Variants in GNB5 observed in about 807,000 individuals in gnomAD.
GNB5 encodes G protein subunit beta 5.
Under a neutral mutation model 55.3 loss-of-function variants are expected in GNB5, and 37 were observed. That is an observed-to-expected ratio of 0.67 (90% CI 0.51 to 0.88). The LOEUF is 0.88. GNB5 is among the 40% of genes least tolerant of loss of function. GNB5 has a pLI of 0.00. For synonymous variants in GNB5, 219 were observed against 198.5 expected (o/e 1.10, Z -0.87); for missense variants, 476 against 515.3 (o/e 0.92, Z 0.74).
intron 3 of GNB5, among the ~76,000 whole-genome samples, chr15:52,159,248 G>C (rs1000031073): frequency 6.6e-6 from 1 of 152,120 alleles, no homozygotes; most frequent in South Asian, 2.1e-4. Context: ...CATCAGAAGA[G>C]TGGCATGGTC....
chr15:52,137,834 C>T, intron 7 of GNB5: 1 of 1,283,730 alleles, frequency 7.8e-7, no homozygotes, highest in Non-Finnish European at 1.0e-6. Context: ...GAAGCTCTCC[C>T]TGCCTTCTGG....
At chr15:52,163,725 G>T (rs2034391253) in intron 3 of GNB5, among the ~76,000 whole-genome samples, 1 of 152,206 alleles carries the variant, frequency 6.6e-6, no homozygotes, top group Admixed American at 6.5e-5. Context: ...TCCACCAGGG[G>T]GCAGCCAGAC....
rs2034731708 is a variant in GNB5 at position 52,179,758 on chromosome 15, C to G, written c.238+10G>C. On this transcript the variant is annotated intron_variant, in intron 3 of 12. Coordinates refer to ENST00000261837, the MANE Select transcript of GNB5 (RefSeq NM_016194.4). ...CGGCTTGCCCCGCCCGCCTCCCGGC[C>G]CGCACTCACGCTCCACATCGTGCAG... 1 of 1,469,068 alleles carries G rather than the reference C, an allele frequency of 6.8e-7. No homozygotes were observed. Among genetic ancestry groups the G allele is most frequent in the African/African-American group, 1.5e-5 (1 of 68,420 alleles). 91.0% of individuals were successfully genotyped at this position (1,469,068 alleles called of 1,614,324 possible). A position where few individuals can be genotyped will look rare whatever the true frequency, so the allele number is the denominator to read the frequency against.
intron 7 of GNB5, 71 bp from the exon 8 acceptor site, chr15:52,135,827 C>T: frequency 6.9e-7 from 1 of 1,458,528 alleles, no homozygotes; most frequent in Non-Finnish European, 9.5e-7. Flanking sequence ...CAATCAGAGG[C>T]TTAACGTTCC....
At chr15:52,184,515 A>G (rs987188396) in intron 2 of GNB5, 36 bp downstream of exon 2, 9 of 1,595,026 alleles carry the variant, frequency 5.6e-6, no homozygotes, top group Middle Eastern at 3.3e-4. Flanking sequence ...GACTGTTTTA[A>G]GACAGATAAC....
intron 6 of GNB5, among the ~76,000 whole-genome samples, chr15:52,146,008 G>A (rs2033968230): frequency 6.9e-6 from 1 of 145,534 alleles, no homozygotes; most frequent in South Asian, 2.2e-4. Flanking sequence ...CCAGGCTGGA[G>A]TGCAGTGGCG....
At chr15:52,179,998 C>A in intron 2 of GNB5, 119 bp from the exon 3 acceptor site, 1 of 1,258,940 alleles carries the variant, frequency 7.9e-7, no homozygotes. Context: ...CCGCCCTCCG[C>A]GATGACGCCA....
intron 4 of GNB5, among the ~76,000 whole-genome samples, chr15:52,150,508 C>T (rs1281302965): frequency 6.6e-6 from 1 of 152,160 alleles, no homozygotes; most frequent in African/African-American, 2.4e-5. Context: ...CAGGTGCTCA[C>T]AGATGTCACA....
chr15:52,119,302 AGGT>A lies in GNB5; in HGVS notation c.*3452_*3454del, dbSNP rs140155886. The A allele has an allele frequency of 0.044, 1,951 of 43,858 alleles. 125 individuals are homozygous for A. Among genetic ancestry groups the A allele is most frequent in the Admixed American group, 0.086 (243 of 2,838 alleles). 2.7% of individuals were successfully genotyped at this position (43,858 alleles called of 1,614,324 possible). A position where few individuals can be genotyped will look rare whatever the true frequency, so the allele number is the denominator to read the frequency against. The stretch of plus-strand genomic sequence containing the variant: ...GAGGAGGCGATGGGAGGGAGGGAGG[AGGT>A]GATGAGAGGGAGGGAGGAGGGGTGA... On this transcript the variant is annotated 3_prime_UTR_variant, in exon 13 of 13. Coordinates refer to ENST00000261837, the MANE Select transcript of GNB5 (RefSeq NM_016194.4).
Position 52,123,971 on chromosome 15 carries a change from G to T in GNB5, c.1176+502C>A, listed in dbSNP as rs190735623. Among the ~76,000 whole-genome samples the T allele has an allele frequency of 3.5e-3, 513 of 147,782 alleles. 3 individuals carry two copies. The highest frequency in any genetic ancestry group is 6.1e-3 in the Non-Finnish European group (412 of 67,366). On this transcript the variant is annotated intron_variant, in intron 12 of 12. Coordinates refer to ENST00000261837, the MANE Select transcript of GNB5 (RefSeq NM_016194.4). Reference sequence around the variant, plus strand: ...CCCCAAATTTGGCATATAATTTCAGGGGCTTCATTTCCAAGATTAAGCTAT... The same window carrying T: ...CCCCAAATTTGGCATATAATTTCAGTGGCTTCATTTCCAAGATTAAGCTAT...
chr15:52,135,687 A>G lies in GNB5; in HGVS notation c.697T>C (p.Phe233Leu). 6.2e-7 allele frequency: 1 copy of G among 1,613,254 alleles called. No individual in the cohort carries two copies. The highest frequency in any genetic ancestry group is 8.5e-7 in the Non-Finnish European group (1 of 1,179,726). Residue 233 changes from phenylalanine to leucine, a missense_variant, in exon 8 of 13, where the codon TTC becomes CTC. Transcript: ENST00000261837. ...DVESGQLLQSFHGHGADVLCL... is the reference protein window; with the variant it reads ...DVESGQLLQSLHGHGADVLCL... ...AGGACGTCAGCCCCATGTCCGTGGA[A>G]GCTCTGCAGCAGCTGCCCGCTCTCC...
chr15:52,128,282 C>T lies in GNB5; in HGVS notation c.864-38G>A, dbSNP rs2033479920. 3.5e-6 allele frequency: 5 copies of T among 1,418,798 alleles called. No individual in the cohort carries two copies. The Middle Eastern group carries it at 5.3e-4, about 149-fold the overall frequency. 87.9% of individuals were successfully genotyped at this position (1,418,798 alleles called of 1,614,324 possible). A position where few individuals can be genotyped will look rare whatever the true frequency, so the allele number is the denominator to read the frequency against. ...AGTACTTTATCTACGGTTGTGACTCCTGACCCTGGATGCCCATCAGAACCA... is the reference window on the plus strand; with the variant it reads ...AGTACTTTATCTACGGTTGTGACTCTTGACCCTGGATGCCCATCAGAACCA... On this transcript the variant is annotated intron_variant, in intron 9 of 12. Coordinates refer to ENST00000261837, the MANE Select transcript of GNB5 (RefSeq NM_016194.4).
chr15:52,117,102 A>ATATATATATATATATATTTTTTTTTT lies in GNB5; in HGVS notation c.*5654_*5655insAAAAAAAAAATATATATATATATATA. 4 of 87,102 alleles carry ATATATATATATATATATTTTTTTTTT rather than the reference A, an allele frequency of 4.6e-5. No individual in the cohort carries two copies. The highest frequency in any genetic ancestry group is 2.4e-4 in the African/African-American group (4 of 16,420). The allele number at this position is 87,102 out of a possible 1,614,324, so 5.4% of individuals were successfully genotyped here. A position where few individuals can be genotyped will look rare whatever the true frequency, so the allele number is the denominator to read the frequency against. On this transcript the variant is annotated 3_prime_UTR_variant, in exon 13 of 13. Transcript: ENST00000261837. ...CCACGCCCAGCTAATATATATATAT[A>ATATATATATATATATATTTTTTTTTT]TTTTTTTTTAGTACAGACAGGGTTT...
Position 52,147,530 on chromosome 15 carries a change from G to T in GNB5, c.423C>A (p.His141Gln). ...VWDSFTTNKEHAVTMPCTWVM... is the reference protein window; with the variant it reads ...VWDSFTTNKEQAVTMPCTWVM... The stretch of plus-strand genomic sequence containing the variant: ...CCCACGTGCAGGGCATGGTGACCGC[G>T]TGCTCCTGAAACACAGCACAGAGTG... Residue 141 changes from histidine (H) to glutamine (Q), a missense_variant, in exon 6 of 13, where the codon CAC (histidine) becomes CAA (glutamine). His to Gln is a conservative substitution (Grantham distance 24, BLOSUM62 0). Coordinates refer to ENST00000261837, the MANE Select transcript of GNB5 (RefSeq NM_016194.4). 1.3e-6 allele frequency: 2 copies of T among 1,581,484 alleles called. No homozygotes were observed. Among genetic ancestry groups the T allele is most frequent in the Non-Finnish European group, 1.7e-6 (2 of 1,155,028 alleles).
chr15:52,157,246 A>C (rs2034230169), intron 3 of GNB5, among the ~76,000 whole-genome samples: 1 of 121,044 alleles, frequency 8.3e-6, no homozygotes, highest in Non-Finnish European at 1.7e-5. Flanking sequence ...TGATTCTTAT[A>C]GGCCTTTTTT....
Position 52,135,705 on chromosome 15 carries a change from C to T in GNB5, c.679G>A (p.Gly227Arg), listed in dbSNP as rs145872513. Residue 227 changes from glycine to arginine, a missense_variant, in exon 8 of 13, where the codon GGG becomes AGG. By Grantham distance (125) the Gly-to-Arg change is moderately radical (BLOSUM62 -2). Coordinates refer to ENST00000261837, the MANE Select transcript of GNB5 (RefSeq NM_016194.4). ...GTCALWDVES[G>R]QLLQSFHGHG... The stretch of plus-strand genomic sequence containing the variant: ...CCGTGGAAGCTCTGCAGCAGCTGCC[C>T]GCTCTCCACGTCCCACAGGGCACAT... The T allele has an allele frequency of 2.5e-6, 4 of 1,612,740 alleles. No homozygotes were observed. The highest frequency in any genetic ancestry group is 3.3e-5 in the Admixed American group (2 of 59,894).
chr15:52,136,561 A>G (rs2033729129), intron 7 of GNB5, among the ~76,000 whole-genome samples: 2 of 152,320 alleles, frequency 1.3e-5, no homozygotes, highest in East Asian at 1.9e-4. Flanking sequence ...CACTGGGAGC[A>G]GCAGGGGTCT....
rs150330765 is a variant in GNB5 at position 52,143,117 on chromosome 15, C to T, written c.495-1845G>A. 4.0e-3 allele frequency among the ~76,000 whole-genome samples: 608 copies of T among 151,278 alleles called. 2 individuals are homozygous for T. The highest frequency in any genetic ancestry group is 0.014 in the African/African-American group (593 of 41,170). ...TTGCAGTGAGTTGAGACCACACCAC[C>T]GCACTCCAGCCTGGGCAACAGAGTG... On this transcript the variant is annotated intron_variant, in intron 6 of 12. Coordinates refer to ENST00000261837, the MANE Select transcript of GNB5 (RefSeq NM_016194.4).
In GNB5 at chr15:52,120,671, G is replaced by A. The variant is rs2033244861; in HGVS notation, c.*2086C>T. The A allele has an allele frequency of 6.6e-6, 1 of 151,758 alleles. No individual in the cohort carries two copies. The highest frequency in any genetic ancestry group is 2.4e-5 in the African/African-American group (1 of 41,136). The allele number at this position is 151,758 out of a possible 1,614,324, so 9.4% of individuals were successfully genotyped here. On this transcript the variant is annotated 3_prime_UTR_variant, in exon 13 of 13. Transcript: ENST00000261837. ...GAGAGGGTTGGGGATGCCACCACAA[G>A]GAGGCCAGCTGCACCAGGGGCCACT...
Sources: allele counts gnomAD v4.1 joint callset (sites outside exome capture counted in the v4.1 genomes callset), GRCh38; gene constraint gnomAD v4.1.1; transcripts MANE v1.5; gene names NCBI Gene and HGNC (gene_info 2026-07-23, HGNC 2026-07-21).